ANAPC1: variants seen among roughly 807,000 people sequenced by gnomAD.
ANAPC1 encodes anaphase-promoting complex subunit 1.
ANAPC1 carries 36 observed loss-of-function variants against 208.0 expected under a neutral mutation model. The observed-to-expected ratio is 0.17, with a 90% CI of 0.13 to 0.23. The LOEUF is 0.23. Ranked by LOEUF, ANAPC1 falls within the 10% of genes least tolerant of loss-of-function variation. ANAPC1 has a pLI of 1.00. For synonymous variants in ANAPC1, 378 were observed against 695.2 expected (o/e 0.54, Z 7.18); for missense variants, 942 against 2,011.6 (o/e 0.47, Z 10.17).
At chr2:111,864,111 G>A (rs1390762371) in intron 8 of ANAPC1, among the ~76,000 whole-genome samples, 2 of 152,006 alleles carry the variant, frequency 1.3e-5, no homozygotes, top group African/African-American at 2.4e-5. Context: ...AGGATAGCTT[G>A]AGCCAAGGAA....
chr2:111,779,914 G>T (rs1677191988), intron 44 of ANAPC1: 6 of 275,302 alleles, frequency 2.2e-5, no homozygotes, highest in South Asian at 2.1e-4. Context: ...GGTAACAGGT[G>T]TATGAACAAT....
At chr2:111,835,108 TTTTAGG>T (rs1249657484) in intron 18 of ANAPC1, among the ~76,000 whole-genome samples, 1 of 152,118 alleles carries the variant, frequency 6.6e-6, no homozygotes, top group Non-Finnish European at 1.5e-5. Context: ...TTTCATGACC[TTTTAGG>T]AAAGACATTG....
chr2:111,832,701 G>A (rs1292688092), intron 20 of ANAPC1, among the ~76,000 whole-genome samples: 3 of 151,966 alleles, frequency 2.0e-5, no homozygotes, highest in South Asian at 2.1e-4. Context: ...AGGCCGAGGC[G>A]GGTGGATCAC....
chr2:111,838,687 A>G (rs935367565), intron 17 of ANAPC1, among the ~76,000 whole-genome samples, 175 bp from the exon 18 acceptor site: 1 of 152,238 alleles, frequency 6.6e-6, no homozygotes. Context: ...AGGTTACTGT[A>G]AAGATGAAAT....
intron 16 of ANAPC1, among the ~76,000 whole-genome samples, chr2:111,844,473 G>A (rs1680941489): frequency 6.6e-6 from 1 of 151,586 alleles, no homozygotes; most frequent in African/African-American, 2.4e-5. Flanking sequence ...GGAGGCTGAG[G>A]CAGGAGAATC....
chr2:111,770,151 T>TTCAGAAAG (rs1407354784), intron 47 of ANAPC1, among the ~76,000 whole-genome samples: 1 of 125,458 alleles, frequency 8.0e-6, no homozygotes, highest in Non-Finnish European at 1.6e-5. Flanking sequence ...CATTCTAGAC[T>TTCAGAAAG]TCAGAAAGTG....
chr2:111,882,448 G>A (rs1683352377), intron 1 of ANAPC1, among the ~76,000 whole-genome samples: 1 of 152,024 alleles, frequency 6.6e-6, no homozygotes, highest in Non-Finnish European at 1.5e-5. Flanking sequence ...TGTTATTCTT[G>A]GCCAGGCACG....
intron 18 of ANAPC1, among the ~76,000 whole-genome samples, chr2:111,836,218 C>T (rs1680458649): frequency 1.3e-5 from 2 of 151,780 alleles, no homozygotes; most frequent in South Asian, 4.2e-4. Flanking sequence ...TGGTCTCAAA[C>T]TCTTGGGCTG....
At chr2:111,824,933 G>A (rs374993162) in intron 24 of ANAPC1, 33 bp downstream of exon 24, 22 of 1,612,192 alleles carry the variant, frequency 1.4e-5, no homozygotes, top group South Asian at 2.2e-5. Context: ...GAGGAAGCAC[G>A]GCCTAGTTAG....
At chr2:111,836,583 A>G (rs1217885995) in intron 18 of ANAPC1, among the ~76,000 whole-genome samples, 4 of 151,504 alleles carry the variant, frequency 2.6e-5, no homozygotes, top group Non-Finnish European at 5.9e-5. Flanking sequence ...GGAGTTCAAG[A>G]TTACAGTCAA....
chr2:111,799,066 G>A (rs1372427720), intron 34 of ANAPC1, among the ~76,000 whole-genome samples: 2 of 151,488 alleles, frequency 1.3e-5, no homozygotes, highest in South Asian at 4.2e-4. Context: ...CAAAGAACGG[G>A]TTTCTAGAAT....
intron 21 of ANAPC1, among the ~76,000 whole-genome samples, chr2:111,829,059 C>T (rs1302494551): frequency 6.6e-6 from 1 of 152,004 alleles, no homozygotes; most frequent in Admixed American, 6.6e-5. Flanking sequence ...ACTAAAAATA[C>T]AAAAATTAGC....
chr2:111,843,086 T>C (rs1243002881), intron 17 of ANAPC1, among the ~76,000 whole-genome samples: 2 of 152,214 alleles, frequency 1.3e-5, no homozygotes, highest in Non-Finnish European at 2.9e-5. Flanking sequence ...AGATCTGTGA[T>C]TTCTTTGTGA....
intron 44 of ANAPC1, chr2:111,779,077 C>A: frequency 4.4e-6 from 1 of 229,242 alleles, no homozygotes; most frequent in Admixed American, 5.3e-5. Context: ...AGAGTAGGAT[C>A]CAGAAAGGAA....
At chr2:111,837,076 A>C (rs1680510359) in intron 18 of ANAPC1, among the ~76,000 whole-genome samples, 1 of 152,176 alleles carries the variant, frequency 6.6e-6, no homozygotes, top group Non-Finnish European at 1.5e-5. Context: ...TAGCCTAGAT[A>C]TCTACCAGCA....
chr2:111,870,954 C>T (rs1440820231), intron 6 of ANAPC1, among the ~76,000 whole-genome samples: 1 of 145,326 alleles, frequency 6.9e-6, no homozygotes, highest in African/African-American at 2.5e-5. Flanking sequence ...GATGCCTTTC[C>T]CCCAATTTAT....
intron 47 of ANAPC1, among the ~76,000 whole-genome samples, chr2:111,770,714 G>A (rs1676690648): frequency 7.7e-6 from 1 of 130,494 alleles, no homozygotes; most frequent in Non-Finnish European, 1.6e-5. Flanking sequence ...ATCCAGTACT[G>A]AGATCTTCAT....
chr2:111,881,565 T>A (rs1329935968), intron 1 of ANAPC1, among the ~76,000 whole-genome samples: 2 of 152,212 alleles, frequency 1.3e-5, no homozygotes, highest in African/African-American at 4.8e-5. Flanking sequence ...ATTAATCTAT[T>A]ACAGTACAGT....
At chr2:111,838,616 AG>A in intron 17 of ANAPC1, 104 bp from the exon 18 acceptor site, 1 of 913,872 alleles carries the variant, frequency 1.1e-6, no homozygotes, top group Non-Finnish European at 1.6e-6. Context: ...ACGAAAACTG[AG>A]AAAAGCCATC....
Sources: allele counts gnomAD v4.1 joint callset (sites outside exome capture counted in the v4.1 genomes callset), GRCh38; gene constraint gnomAD v4.1.1; transcripts MANE v1.5; gene names NCBI Gene and HGNC (gene_info 2026-07-23, HGNC 2026-07-21).